Variants in SMOC1 observed in about 807,000 individuals in gnomAD.
SMOC1 encodes SPARC related modular calcium binding 1.
SMOC1 carries 22 observed loss-of-function variants against 56.3 expected under a neutral mutation model. That is an observed-to-expected ratio of 0.39 (90% CI 0.28 to 0.56). The LOEUF (loss-of-function observed/expected upper bound fraction) is 0.56, where lower values mean the gene tolerates loss of function less well. SMOC1 is among the 20% of genes least tolerant of loss of function. The probability of loss-of-function intolerance (pLI) is 0.61; values close to 1 mark genes in which losing one functional copy is unlikely to be tolerated. For missense variants in SMOC1, 509 were observed against 565.4 expected (o/e 0.90, Z 1.01); for synonymous variants, 193 against 215.0 (o/e 0.90, Z 0.89).
intron 1 of SMOC1, among the ~76,000 whole-genome samples, chr14:69,940,339 A>G (rs1423393257): frequency 6.6e-6 from 1 of 152,208 alleles, no homozygotes; most frequent in Non-Finnish European, 1.5e-5. Context: ...GTGGCACAGG[A>G]GTATCCAGCG....
At chr14:69,925,169 AGAGGTAGGG>A (rs1394331448) in intron 1 of SMOC1, among the ~76,000 whole-genome samples, 2 of 42,208 alleles carry the variant, frequency 4.7e-5, no homozygotes, top group Admixed American at 2.8e-4. Flanking sequence ...GGGAGCTAGG[AGAGGTAGGG>A]GAGGTAGGGG....
At chr14:70,020,719 A>G (rs1885685855) in intron 10 of SMOC1, among the ~76,000 whole-genome samples, 1 of 152,142 alleles carries the variant, frequency 6.6e-6, no homozygotes, top group Non-Finnish European at 1.5e-5. Flanking sequence ...GGGAGTGAAG[A>G]GAGTCAAAAT....
intron 1 of SMOC1, among the ~76,000 whole-genome samples, chr14:69,924,706 GGAGGTAGGA>G (rs1373062055): frequency 8.2e-6 from 1 of 122,118 alleles, no homozygotes; most frequent in Non-Finnish European, 1.7e-5. Flanking sequence ...GGGAGCTAGG[GGAGGTAGGA>G]GAGGTAGGGG....
intron 10 of SMOC1, among the ~76,000 whole-genome samples, chr14:70,021,048 C>CTAGG (rs1328194747): frequency 1.3e-5 from 2 of 152,162 alleles, no homozygotes; most frequent in African/African-American, 4.8e-5. Context: ...ATTCCAGCCT[C>CTAGG]TAGGTAGACA....
At chr14:70,022,695 A>G (rs1000905155) in intron 10 of SMOC1, among the ~76,000 whole-genome samples, 2 of 152,206 alleles carry the variant, frequency 1.3e-5, no homozygotes, top group African/African-American at 4.8e-5. Context: ...TCTCATAGAG[A>G]CAGTGAGCCA....
intron 11 of SMOC1, among the ~76,000 whole-genome samples, chr14:70,026,676 C>G (rs147382941): frequency 6.6e-6 from 1 of 152,288 alleles, no homozygotes; most frequent in African/African-American, 2.4e-5. Flanking sequence ...GAACCTCTCA[C>G]CTCAAAGGTA....
At chr14:69,993,990 G>A (rs777388636) in intron 6 of SMOC1, among the ~76,000 whole-genome samples, 4 of 152,148 alleles carry the variant, frequency 2.6e-5, no homozygotes, top group Admixed American at 6.5e-5. Context: ...GAGCAATCTC[G>A]GCTCAGCCGT....
chr14:70,007,011 G>A (rs991223982), intron 7 of SMOC1, among the ~76,000 whole-genome samples: 11 of 152,218 alleles, frequency 7.2e-5, no homozygotes, highest in South Asian at 2.1e-4. Flanking sequence ...CCATGATCAC[G>A]GGGAGGCACA....
chr14:69,940,639 C>T (rs963774100), intron 1 of SMOC1, among the ~76,000 whole-genome samples: 7 of 152,188 alleles, frequency 4.6e-5, no homozygotes, highest in African/African-American at 1.4e-4. Flanking sequence ...TGCCTTTGCA[C>T]CCCCACAAGT....
intron 3 of SMOC1, among the ~76,000 whole-genome samples, chr14:69,967,571 C>G (rs1883618245): frequency 6.6e-6 from 1 of 152,150 alleles, no homozygotes; most frequent in Non-Finnish European, 1.5e-5. Context: ...ATTGGACACC[C>G]CTGGCCTAGA....
chr14:69,895,117 G>A (rs1049256286), intron 1 of SMOC1, among the ~76,000 whole-genome samples: 14 of 152,216 alleles, frequency 9.2e-5, no homozygotes, highest in African/African-American at 3.1e-4. Flanking sequence ...TTTTTGTAGA[G>A]GATTGTGTTT....
chr14:69,934,890 A>G (rs1230611600), intron 1 of SMOC1, among the ~76,000 whole-genome samples: 1 of 152,158 alleles, frequency 6.6e-6, no homozygotes, highest in African/African-American at 2.4e-5. Flanking sequence ...CAGTTTTTCC[A>G]TCTGCAAAGT....
At chr14:69,965,631 G>A (rs1883547330) in intron 3 of SMOC1, among the ~76,000 whole-genome samples, 1 of 152,128 alleles carries the variant, frequency 6.6e-6, no homozygotes, top group Admixed American at 6.5e-5. Context: ...TGGAAAGTGG[G>A]CAATCAGAGA....
At chr14:69,899,485 A>G (rs776700204) in intron 1 of SMOC1, among the ~76,000 whole-genome samples, 2 of 152,036 alleles carry the variant, frequency 1.3e-5, no homozygotes, top group Non-Finnish European at 2.9e-5. Flanking sequence ...TGCTTCCCTT[A>G]TGCCTTCCGC....
intron 1 of SMOC1, among the ~76,000 whole-genome samples, chr14:69,951,487 G>T (rs1262483238): frequency 6.6e-6 from 1 of 152,102 alleles, no homozygotes; most frequent in African/African-American, 2.4e-5. Context: ...GCTGATTATT[G>T]TTGTTATTTT....
At chr14:69,943,880 G>A (rs1882677582) in intron 1 of SMOC1, among the ~76,000 whole-genome samples, 1 of 152,218 alleles carries the variant, frequency 6.6e-6, no homozygotes, top group Admixed American at 6.5e-5. Flanking sequence ...TGCCAGAGCT[G>A]ACAGCAAAGC....
At chr14:69,964,317 C>T (rs1309328717) in intron 3 of SMOC1, among the ~76,000 whole-genome samples, 1 of 151,800 alleles carries the variant, frequency 6.6e-6, no homozygotes, top group Non-Finnish European at 1.5e-5. Context: ...CTCTGGCTTT[C>T]CTGCTGTCTG....
chr14:70,009,159 CA>C (rs1221852818), intron 7 of SMOC1, among the ~76,000 whole-genome samples: 10 of 152,132 alleles, frequency 6.6e-5, no homozygotes, highest in African/African-American at 2.4e-4. Context: ...TTCCCAAATT[CA>C]AAACAACATT....
At chr14:70,028,612 C>T (rs1338629227) in intron 11 of SMOC1, among the ~76,000 whole-genome samples, 1 of 152,208 alleles carries the variant, frequency 6.6e-6, no homozygotes, top group African/African-American at 2.4e-5. Context: ...TTGCTTCACA[C>T]ATCTCAGCCT....
Sources: gnomAD v4.1 joint callset for allele counts (sites outside exome capture counted in the v4.1 genomes callset) on GRCh38, gnomAD v4.1.1 for gene constraint, MANE v1.5 for transcripts, NCBI Gene and HGNC (gene_info 2026-07-23, HGNC 2026-07-21) for gene names.